UGT2A1: variants seen among roughly 807,000 people sequenced by gnomAD.
UGT2A1 encodes the protein UDP glucuronosyltransferase family 2 member A1 complex locus, also known as UDP-glucuronosyltransferase 2A1.
A neutral mutation model predicts 45.4 loss-of-function variants in UGT2A1; 61 were observed. The ratio of observed to expected loss-of-function variants is 1.34; its 90% CI spans 1.09 to 1.66. UGT2A1 has a LOEUF of 1.66. Among genes scored for constraint, UGT2A1 ranks in the 40% most tolerant of loss-of-function variants. UGT2A1 has a pLI of 0.00. For synonymous variants in UGT2A1, 229 were observed against 196.2 expected (o/e 1.17, Z -1.40); for missense variants, 649 against 574.3 (o/e 1.13, Z -1.33).
At chr4:69,625,453 G>T (rs980401414) in intron 3 of UGT2A1, among the ~76,000 whole-genome samples, 7 of 150,982 alleles carry the variant, frequency 4.6e-5, no homozygotes, top group African/African-American at 1.7e-4. Flanking sequence ...GAAGGGAGAA[G>T]TGATTATTTC....
intron 3 of UGT2A1, among the ~76,000 whole-genome samples, chr4:69,613,882 T>C (rs1720213799): frequency 6.6e-6 from 1 of 151,958 alleles, no homozygotes; most frequent in Non-Finnish European, 1.5e-5. Context: ...ATTGAATGAG[T>C]ACAAATTGAA....
chr4:69,597,314 G>A (rs1384306822), intron 4 of UGT2A1, among the ~76,000 whole-genome samples: 1 of 152,118 alleles, frequency 6.6e-6, no homozygotes, highest in Non-Finnish European at 1.5e-5. Context: ...TGTATAAGCT[G>A]CCATGAGTGT....
chr4:69,640,050 C>T (rs1299989067), intron 2 of UGT2A1, among the ~76,000 whole-genome samples: 1 of 151,912 alleles, frequency 6.6e-6, no homozygotes, highest in Non-Finnish European at 1.5e-5. Context: ...GCTTTCTTCT[C>T]CATAAAGCCA....
At chr4:69,651,890 A>AT (rs1722541629) in intron 1 of UGT2A1, among the ~76,000 whole-genome samples, 1 of 152,214 alleles carries the variant, frequency 6.6e-6, no homozygotes, top group South Asian at 2.1e-4. Flanking sequence ...GGCACTGCAC[A>AT]TGTGGGCAGC....
intron 3 of UGT2A1, among the ~76,000 whole-genome samples, chr4:69,619,551 A>T (rs573035752): frequency 1.2e-3 from 182 of 152,150 alleles, no homozygotes; most frequent in African/African-American, 4.2e-3. Flanking sequence ...TGATATACCC[A>T]GAAATAAATC....
chr4:69,619,191 A>G (rs955601319), intron 3 of UGT2A1, among the ~76,000 whole-genome samples: 13 of 151,864 alleles, frequency 8.6e-5, no homozygotes, highest in African/African-American at 3.1e-4. Flanking sequence ...TGAGCCCAGG[A>G]GTTTGAGATC....
chr4:69,633,508 A>T (rs1721502396), intron 3 of UGT2A1, among the ~76,000 whole-genome samples: 3 of 152,208 alleles, frequency 2.0e-5, no homozygotes, highest in African/African-American at 7.2e-5. Context: ...TGTTCAAAGC[A>T]GTGTTCATCA....
intron 3 of UGT2A1, among the ~76,000 whole-genome samples, chr4:69,634,617 G>A (rs541973907): frequency 6.6e-6 from 1 of 152,074 alleles, no homozygotes; most frequent in Non-Finnish European, 1.5e-5. Flanking sequence ...TTTAACAACT[G>A]ATAATCACTT....
At chr4:69,612,905 C>T (rs1231330512) in intron 3 of UGT2A1, among the ~76,000 whole-genome samples, 2 of 47,912 alleles carry the variant, frequency 4.2e-5, no homozygotes, top group Non-Finnish European at 9.0e-5. Context: ...AGAACCTCTG[C>T]AGAAAAAAAA....
chr4:69,641,490 C>G (rs1722045573), intron 2 of UGT2A1, among the ~76,000 whole-genome samples: 1 of 151,738 alleles, frequency 6.6e-6, no homozygotes, highest in Non-Finnish European at 1.5e-5. Context: ...TCTGCTGGCT[C>G]TTTTTTCATT....
intron 1 of UGT2A1, among the ~76,000 whole-genome samples, chr4:69,649,914 C>T (rs1722444143): frequency 1.3e-5 from 2 of 152,020 alleles, no homozygotes; most frequent in Admixed American, 6.6e-5. Context: ...AGGTTAAGGG[C>T]CTGCATGTGC....
At chr4:69,650,377 C>A (rs1722466998) in intron 1 of UGT2A1, among the ~76,000 whole-genome samples, 1 of 152,070 alleles carries the variant, frequency 6.6e-6, no homozygotes, top group Non-Finnish European at 1.5e-5. Flanking sequence ...TGACAAAAAT[C>A]ACTGTAGTAC....
chr4:69,646,852 CATAGGGAA>C, intron 2 of UGT2A1, 70 bp downstream of exon 2: 2 of 993,290 alleles, frequency 2.0e-6, no homozygotes, highest in Non-Finnish European at 2.9e-6. Flanking sequence ...AAAGAATAGA[CATAGGGAA>C]ATAAAGAAGA....
chr4:69,647,647 T>C lies in UGT2A1; in HGVS notation c.-3A>G. The C allele has an allele frequency of 1.3e-6, 2 of 1,536,656 alleles. No homozygotes were observed. The highest frequency in any genetic ancestry group is 1.8e-6 in the Non-Finnish European group (2 of 1,140,196). On this transcript the variant is annotated 5_prime_UTR_variant, in exon 2 of 7. Coordinates refer to ENST00000286604, the MANE Select transcript of UGT2A1 (RefSeq NM_001252275.3). ...AACAGCAGAAGGTTGTTTAACATGA[T>C]GTGGCTTGATGCAGAAGATTTGATG...
intron 3 of UGT2A1, among the ~76,000 whole-genome samples, chr4:69,633,058 T>C (rs141348169): frequency 2.0e-4 from 30 of 152,068 alleles, no homozygotes; most frequent in Middle Eastern, 3.4e-3. Context: ...CAAAGAAAAC[T>C]AAAAGTGAGT....
intron 3 of UGT2A1, among the ~76,000 whole-genome samples, chr4:69,615,852 A>G (rs1442220477): frequency 6.8e-6 from 1 of 147,668 alleles, no homozygotes; most frequent in Non-Finnish European, 1.5e-5. Context: ...GAGTGTGGAT[A>G]TTTCTCAAAA....
chr4:69,605,036 T>A (rs1377920598), intron 3 of UGT2A1, among the ~76,000 whole-genome samples: 1 of 135,600 alleles, frequency 7.4e-6, no homozygotes, highest in African/African-American at 3.0e-5. Context: ...AACAAGTATA[T>A]CCAGGAATTG....
At chr4:69,590,369 G>A (rs1346284318) in intron 6 of UGT2A1, among the ~76,000 whole-genome samples, 1 of 152,166 alleles carries the variant, frequency 6.6e-6, no homozygotes, top group Non-Finnish European at 1.5e-5. Context: ...AATATTGGGT[G>A]GATATCTACA....
At chr4:69,639,805 CATT>C (rs1164125791) in intron 2 of UGT2A1, among the ~76,000 whole-genome samples, 1 of 151,970 alleles carries the variant, frequency 6.6e-6, no homozygotes, top group African/African-American at 2.4e-5. Context: ...GCACTAACAT[CATT>C]ATTTCAGTAA....
Sources: gnomAD v4.1 joint callset for allele counts (sites outside exome capture counted in the v4.1 genomes callset) on GRCh38, gnomAD v4.1.1 for gene constraint, MANE v1.5 for transcripts, NCBI Gene and HGNC (gene_info 2026-07-23, HGNC 2026-07-21) for gene names.